TSGA10: variants seen among roughly 807,000 people sequenced by gnomAD.
TSGA10 encodes the protein testis-specific gene 10 protein.
A neutral mutation model predicts 96.6 loss-of-function variants in TSGA10; 43 were observed. That is an observed-to-expected ratio of 0.44 (90% CI 0.35 to 0.57). The LOEUF is 0.57. TSGA10 is among the 20% of genes least tolerant of loss of function. The probability of loss-of-function intolerance (pLI) is 0.01; values close to 1 mark genes in which losing one functional copy is unlikely to be tolerated. For synonymous variants in TSGA10, 229 were observed against 269.9 expected (o/e 0.85, Z 1.48); for missense variants, 703 against 834.4 (o/e 0.84, Z 1.94).
chr2:99,049,497 G>A (rs533033829), intron 16 of TSGA10, among the ~76,000 whole-genome samples: 10 of 152,064 alleles, frequency 6.6e-5, no homozygotes, highest in Middle Eastern at 6.8e-3. Flanking sequence ...ACCAAACACC[G>A]CATGTTCTCA....
chr2:99,147,364 T>C, intron 1 of TSGA10: 1 of 1,095,546 alleles, frequency 9.1e-7, no homozygotes, highest in African/African-American at 1.6e-5. Flanking sequence ...GATTGATTTA[T>C]CTCTTTATGT....
At chr2:99,036,048 C>A (rs372797289) in intron 16 of TSGA10, among the ~76,000 whole-genome samples, 2 of 151,974 alleles carry the variant, frequency 1.3e-5, no homozygotes, top group South Asian at 2.1e-4. Flanking sequence ...TAAATGCTTT[C>A]GAATGTTCAA....
intron 11 of TSGA10, among the ~76,000 whole-genome samples, chr2:99,079,501 A>C (rs929206829): frequency 6.6e-6 from 1 of 152,182 alleles, no homozygotes; most frequent in Non-Finnish European, 1.5e-5. Context: ...AGACCTACTG[A>C]ATCAGAAATT....
intron 17 of TSGA10, among the ~76,000 whole-genome samples, chr2:99,031,243 C>T (rs551298433): frequency 8.8e-6 from 1 of 113,548 alleles, no homozygotes; most frequent in Non-Finnish European, 1.7e-5. Context: ...AGAAAGATAG[C>T]TTTTTAAACA....
At chr2:99,055,302 A>T (rs2083847402) in intron 16 of TSGA10, among the ~76,000 whole-genome samples, 1 of 152,206 alleles carries the variant, frequency 6.6e-6, no homozygotes, top group African/African-American at 2.4e-5. Flanking sequence ...AATCTAAAAA[A>T]GTTGAGCTCA....
Position 99,105,523 on chromosome 2 carries a change from C to T in TSGA10, c.381+4G>A, listed in dbSNP as rs2104814350. 6.2e-7 allele frequency: 1 copy of T among 1,613,682 alleles called. No individual in the cohort carries two copies. The highest frequency in any genetic ancestry group is 1.3e-5 in the African/African-American group (1 of 74,992). ...ATATTCACGTAAATAAAATCCTTTC[C>T]AACCTTTAGCCTCTCCCTTAGACTA... is the stretch of plus-strand genomic sequence containing the variant. On this transcript the variant is annotated splice_donor_region_variant and intron_variant, in intron 8 of 20. Transcript: ENST00000393483.
intron 5 of TSGA10, among the ~76,000 whole-genome samples, 182 bp downstream of exon 5, chr2:99,110,668 C>CA (rs1218868176): frequency 1.3e-5 from 2 of 151,566 alleles, no homozygotes; most frequent in South Asian, 2.1e-4. Context: ...ATGAAAGCAG[C>CA]AAAAAAAAGT....
At chr2:99,070,006 T>C (rs1308770432) in intron 14 of TSGA10, among the ~76,000 whole-genome samples, 1 of 152,132 alleles carries the variant, frequency 6.6e-6, no homozygotes, top group Non-Finnish European at 1.5e-5. Context: ...CACTTTCTCG[T>C]CTTCTGCAAT....
chr2:99,079,674 C>A (rs927519600), intron 11 of TSGA10, among the ~76,000 whole-genome samples: 6 of 152,132 alleles, frequency 3.9e-5, no homozygotes, highest in Non-Finnish European at 8.8e-5. Context: ...CTGGTTCTAG[C>A]CTACTTCAAG....
chr2:99,102,162 G>C (rs1179925103), intron 10 of TSGA10: 3 of 1,526,008 alleles, frequency 2.0e-6, no homozygotes, highest in Admixed American at 1.7e-5. Flanking sequence ...GAATATACTT[G>C]AACTTCGGAA....
intron 2 of TSGA10, 25 bp from the exon 3 acceptor site, chr2:99,118,711 C>T (rs1207216265): frequency 6.1e-6 from 6 of 976,162 alleles, no homozygotes; most frequent in Admixed American, 6.2e-5. Context: ...AAAAATTAGA[C>T]CCATTGAACA....
intron 17 of TSGA10, among the ~76,000 whole-genome samples, chr2:99,026,190 C>A (rs2080544917): frequency 6.6e-6 from 1 of 152,178 alleles, no homozygotes; most frequent in South Asian, 2.1e-4. Flanking sequence ...GTATTGACAT[C>A]TGCAACTATT....
At chr2:99,027,470 A>T (rs2080717880) in intron 17 of TSGA10, among the ~76,000 whole-genome samples, 1 of 152,222 alleles carries the variant, frequency 6.6e-6, no homozygotes. Context: ...GATTTATTAC[A>T]TTGCATGGTG....
chr2:99,009,531 C>T (rs1189463102), intron 20 of TSGA10, among the ~76,000 whole-genome samples: 1 of 141,392 alleles, frequency 7.1e-6, no homozygotes, highest in Non-Finnish European at 1.5e-5. Flanking sequence ...GAGATCGCAC[C>T]ACTGCACTCC....
intron 10 of TSGA10, chr2:99,102,123 A>G: frequency 6.9e-7 from 1 of 1,449,672 alleles, no homozygotes; most frequent in East Asian, 2.3e-5. Context: ...AGAGTTAGAT[A>G]GGGGTTACAA....
intron 17 of TSGA10, among the ~76,000 whole-genome samples, chr2:99,026,658 C>T (rs1014906789): frequency 2.0e-5 from 3 of 151,994 alleles, no homozygotes; most frequent in South Asian, 2.1e-4. Flanking sequence ...CTCCTGACCT[C>T]GTGATCTGCC....
At chr2:99,089,113 C>A (rs1164584644) in intron 10 of TSGA10, among the ~76,000 whole-genome samples, 1 of 152,124 alleles carries the variant, frequency 6.6e-6, no homozygotes, top group Non-Finnish European at 1.5e-5. Flanking sequence ...GATCATCCAC[C>A]CCTGAACACA....
At chr2:99,128,171 T>C (rs888248199) in intron 1 of TSGA10, among the ~76,000 whole-genome samples, 1 of 152,206 alleles carries the variant, frequency 6.6e-6, no homozygotes, top group Non-Finnish European at 1.5e-5. Context: ...ATCTCCCCAG[T>C]CACTGACCTT....
chr2:99,149,802 T>C (rs1475332179), intron 1 of TSGA10, among the ~76,000 whole-genome samples: 2 of 144,962 alleles, frequency 1.4e-5, no homozygotes, highest in Non-Finnish European at 3.0e-5. Context: ...TTTTTTTTTT[T>C]TTTTTTTAAG....
Sources: gnomAD v4.1 joint callset for allele counts (sites outside exome capture counted in the v4.1 genomes callset) on GRCh38, gnomAD v4.1.1 for gene constraint, MANE v1.5 for transcripts, NCBI Gene and HGNC (gene_info 2026-07-23, HGNC 2026-07-21) for gene names.